The following PTP4A1 variants were observed in gnomAD, a reference collection of about 807,000 sequenced individuals.
PTP4A1 encodes protein tyrosine phosphatase type IVA 1.
A neutral mutation model predicts 20.5 loss-of-function variants in PTP4A1; 9 were observed. The ratio of observed to expected loss-of-function variants is 0.44; its 90% CI spans 0.26 to 0.77. PTP4A1 has a LOEUF of 0.77. Ranked by LOEUF, PTP4A1 falls within the 30% of genes least tolerant of loss-of-function variation. PTP4A1 has a pLI of 0.19. For missense variants in PTP4A1, 137 were observed against 218.8 expected (o/e 0.63, Z 2.36); for synonymous variants, 78 against 67.4 (o/e 1.16, Z -0.77).
chr6:63,572,925 C>T (rs897590950), intron 1 of PTP4A1, among the ~76,000 whole-genome samples: 1 of 151,980 alleles, frequency 6.6e-6, no homozygotes, highest in African/African-American at 2.4e-5. Context: ...CCGGGCCCCT[C>T]GGGGCTGCGG....
At chr6:63,559,039 GA>G (rs1470229153) in intron 3 of PTP4A1, among the ~76,000 whole-genome samples, 2 of 152,188 alleles carry the variant, frequency 1.3e-5, no homozygotes, top group Non-Finnish European at 2.9e-5. Flanking sequence ...ATGGAGGCGA[GA>G]AGGATAGATC....
intron 2 of PTP4A1, among the ~76,000 whole-genome samples, chr6:63,538,151 G>C (rs1314496331): frequency 6.6e-6 from 1 of 152,234 alleles, no homozygotes; most frequent in African/African-American, 2.4e-5. Context: ...TCACCACCAT[G>C]AAAACTTCTT....
intron 5 of PTP4A1, among the ~76,000 whole-genome samples, chr6:63,579,733 T>A (rs1035576632): frequency 6.6e-6 from 1 of 152,204 alleles, no homozygotes; most frequent in African/African-American, 2.4e-5. Flanking sequence ...CCTTTGTGGC[T>A]TTTGTAGTCA....
intron 2 of PTP4A1, among the ~76,000 whole-genome samples, chr6:63,542,688 G>A (rs767974142): frequency 9.9e-5 from 15 of 152,082 alleles, no homozygotes; most frequent in African/African-American, 1.7e-4. Context: ...CCTGACACTC[G>A]CTGGTTTGTC....
At chr6:63,531,800 A>G (rs911424173) in intron 2 of PTP4A1, among the ~76,000 whole-genome samples, 3 of 149,996 alleles carry the variant, frequency 2.0e-5, no homozygotes, top group African/African-American at 7.4e-5. Context: ...CTCCCATAAC[A>G]CTTTTATCTG....
At chr6:63,565,136 C>T (rs1188618226) in intron 3 of PTP4A1, among the ~76,000 whole-genome samples, 3 of 152,056 alleles carry the variant, frequency 2.0e-5, no homozygotes, top group South Asian at 2.1e-4. Context: ...CCTCAACCTC[C>T]GAGGGAGCTA....
intron 2 of PTP4A1, among the ~76,000 whole-genome samples, chr6:63,533,303 A>T (rs1399168291): frequency 6.6e-6 from 1 of 152,134 alleles, no homozygotes; most frequent in Non-Finnish European, 1.5e-5. Context: ...AATCACTTGA[A>T]CCTGGGAGGC....
chr6:63,567,978 CCT>C (rs1174330322), upstream of PTP4A1, among the ~76,000 whole-genome samples: 2 of 152,214 alleles, frequency 1.3e-5, no homozygotes, highest in African/African-American at 4.8e-5. Context: ...AACTTCCTCA[CCT>C]CTCTCAGCCT....
chr6:63,578,187 A>G (rs534642184), intron 2 of PTP4A1, among the ~76,000 whole-genome samples: 6 of 152,374 alleles, frequency 3.9e-5, no homozygotes, highest in African/African-American at 1.4e-4. Flanking sequence ...AATTTAAACA[A>G]AAGAAGGAAA....
At chr6:63,547,552 C>G (rs1445564551) in intron 2 of PTP4A1, among the ~76,000 whole-genome samples, 1 of 136,552 alleles carries the variant, frequency 7.3e-6, no homozygotes, top group Non-Finnish European at 1.5e-5. Flanking sequence ...GTCGCCCAGG[C>G]TGGAGTGCAG....
At position 63,564,289 on chromosome 6, in the gene PTP4A1, A is replaced by AG. The variant is rs1199192608; in HGVS notation, c.-445-12147_-445-12146insG. ...AGACTCTGTCTCAAAAAAAAAAAAA[A>AG]AGAGAGAAATTTCAAAAGGCTTCTA... On this transcript the variant is annotated intron_variant, in intron 3 of 3. Transcript: ENST00000639568. Among the ~76,000 whole-genome samples the AG allele has an allele frequency of 5.3e-5, 8 of 151,892 alleles. No individual in the cohort carries two copies. In the South Asian group the frequency reaches 1.0e-3, roughly 20 times the overall value.
chr6:63,541,950 A>G (rs1484728632), intron 2 of PTP4A1, among the ~76,000 whole-genome samples: 1 of 152,046 alleles, frequency 6.6e-6, no homozygotes, highest in African/African-American at 2.4e-5. Context: ...ATACTGGTAA[A>G]TACACATAAC....
At chr6:63,566,859 A>G (rs1044092146) in intron 3 of PTP4A1, among the ~76,000 whole-genome samples, 10 of 152,190 alleles carry the variant, frequency 6.6e-5, no homozygotes, top group African/African-American at 2.4e-4. Flanking sequence ...AAACTCACCC[A>G]CTGCTTTATC....
At chr6:63,550,157 A>G (rs1302329833) in intron 2 of PTP4A1, 2 of 152,228 alleles carry the variant, frequency 1.3e-5, no homozygotes, top group Non-Finnish European at 2.9e-5. Flanking sequence ...TGTGAGCCAA[A>G]CTAGATAATC....
intron 2 of PTP4A1, among the ~76,000 whole-genome samples, chr6:63,578,103 C>T (rs1187460864): frequency 2.0e-5 from 3 of 152,074 alleles, no homozygotes; most frequent in Non-Finnish European, 4.4e-5. Context: ...CTGCTAGCCC[C>T]TTTTGGTTAA....
chr6:63,547,762 C>T (rs998368021), intron 2 of PTP4A1, among the ~76,000 whole-genome samples: 3 of 151,620 alleles, frequency 2.0e-5, no homozygotes, highest in Admixed American at 2.0e-4. Context: ...CCACCCCCCT[C>T]GGCCTCCCAA....
At chr6:63,578,765 CAG>C (rs1364967294) in intron 3 of PTP4A1, 131 bp from the exon 4 acceptor site, 7 of 1,135,446 alleles carry the variant, frequency 6.2e-6, no homozygotes, top group Non-Finnish European at 8.3e-6. Flanking sequence ...TGGTAGACAA[CAG>C]GGTTTAATAA....
Position 63,577,858 on chromosome 6 carries a change from C to A in PTP4A1, c.106-579C>A, listed in dbSNP as rs546319131. 1.8e-3 allele frequency among the ~76,000 whole-genome samples: 274 copies of A among 149,372 alleles called. 1 individual carries two copies. Among genetic ancestry groups the A allele is most frequent in the African/African-American group, 6.4e-3 (262 of 40,992 alleles). ...TTTTTATTACTATATATTATATATA[C>A]ACTAATATATACTATATAGTGTATA... On this transcript the variant is annotated intron_variant, in intron 2 of 5. Transcript: ENST00000626021.
rs549392385 is a variant in PTP4A1 at position 63,544,966 on chromosome 6, T to G, written c.-639-5334T>G. 3.3e-5 allele frequency among the ~76,000 whole-genome samples: 5 copies of G among 152,320 alleles called. No individual in the cohort carries two copies. The East Asian group carries it at 5.8e-4, about 18-fold the overall frequency. On this transcript the variant is annotated intron_variant, in intron 2 of 3. Transcript: ENST00000639568. ...AAATACCATATTGCATATCAAACTT[T>G]CATGCACTAGTTTTATCATCCACTG... is the stretch of plus-strand genomic sequence containing the variant.
Sources: gnomAD v4.1 joint callset for allele counts (sites outside exome capture counted in the v4.1 genomes callset) on GRCh38, gnomAD v4.1.1 for gene constraint, MANE v1.5 for transcripts, NCBI Gene and HGNC (gene_info 2026-07-23, HGNC 2026-07-21) for gene names.